ST8SIA1: variants seen among roughly 807,000 people sequenced by gnomAD.
ST8SIA1 encodes ST8 alpha-N-acetyl-neuraminide alpha-2,8-sialyltransferase 1, also known as alpha-N-acetylneuraminide alpha-2,8-sialyltransferase.
ST8SIA1 carries 16 observed loss-of-function variants against 35.9 expected under a neutral mutation model. That is an observed-to-expected ratio of 0.45 (90% CI 0.30 to 0.68). The LOEUF is 0.68. Among genes scored for constraint, ST8SIA1 ranks in the 30% least tolerant of loss-of-function variants. ST8SIA1 has a pLI of 0.09. For synonymous variants in ST8SIA1, 170 were observed against 169.6 expected (o/e 1.00, Z -0.02); for missense variants, 383 against 453.6 (o/e 0.84, Z 1.41).
At chr12:22,290,439 T>C (rs893377142) in intron 1 of ST8SIA1, among the ~76,000 whole-genome samples, 2 of 152,192 alleles carry the variant, frequency 1.3e-5, no homozygotes, top group Admixed American at 6.5e-5. Flanking sequence ...TAGTGATTTT[T>C]ACTGAGTTCT....
At position 22,226,962 on chromosome 12, in the gene ST8SIA1, T is replaced by C. The variant is rs180949206; in HGVS notation, c.584+22044A>G. On this transcript the variant is annotated intron_variant, in intron 4 of 4. Transcript: ENST00000396037. ...TTTGTTTGTTTGTTTGTTGTTGTTGTTTTGAGATGGAGTCTGGCTCTGTTG... is the reference window on the plus strand; with the variant it reads ...TTTGTTTGTTTGTTTGTTGTTGTTGCTTTGAGATGGAGTCTGGCTCTGTTG... Among the ~76,000 whole-genome samples the C allele has an allele frequency of 7.9e-5, 12 of 152,234 alleles. No homozygotes were observed. The East Asian group carries it at 1.7e-3, about 22-fold the overall frequency.
chr12:22,317,620 G>A (rs1591855608), intron 1 of ST8SIA1, among the ~76,000 whole-genome samples: 1 of 152,202 alleles, frequency 6.6e-6, no homozygotes, highest in Admixed American at 6.5e-5. Context: ...TAGCATGGCA[G>A]CTGGTTTCCC....
chr12:22,214,693 C>A (rs1056312902), intron 4 of ST8SIA1, among the ~76,000 whole-genome samples: 1 of 151,980 alleles, frequency 6.6e-6, no homozygotes, highest in Non-Finnish European at 1.5e-5. Context: ...TAGATAGGGC[C>A]TCTTGTTTAT....
chr12:22,227,382 T>C (rs1423536314), intron 4 of ST8SIA1, among the ~76,000 whole-genome samples: 4 of 151,820 alleles, frequency 2.6e-5, no homozygotes, highest in Non-Finnish European at 5.9e-5. Context: ...GAGACCAGCC[T>C]GGCCAACTCG....
intron 2 of ST8SIA1, among the ~76,000 whole-genome samples, chr12:22,263,254 A>C (rs1865812291): frequency 6.6e-6 from 1 of 152,196 alleles, no homozygotes; most frequent in African/African-American, 2.4e-5. Context: ...CCGTGTTTTA[A>C]GTTTAATATA....
intron 4 of ST8SIA1, among the ~76,000 whole-genome samples, chr12:22,224,645 G>A (rs1865336100): frequency 6.6e-6 from 1 of 152,100 alleles, no homozygotes; most frequent in Admixed American, 6.6e-5. Context: ...TTTTTGACAA[G>A]AACACATTTT....
intron 1 of ST8SIA1, among the ~76,000 whole-genome samples, chr12:22,322,348 A>C (rs1199579723): frequency 1.3e-5 from 2 of 152,360 alleles, no homozygotes; most frequent in South Asian, 2.1e-4. Context: ...TGTTCTCAGT[A>C]ATTAGCATTG....
At chr12:22,265,067 C>A (rs1865831347) in intron 2 of ST8SIA1, among the ~76,000 whole-genome samples, 1 of 152,170 alleles carries the variant, frequency 6.6e-6, no homozygotes, top group Admixed American at 6.5e-5. Context: ...TTCATGTGCC[C>A]ATGCAGCAGA....
intron 2 of ST8SIA1, among the ~76,000 whole-genome samples, chr12:22,263,200 T>TA (rs1865811014): frequency 6.6e-6 from 1 of 152,228 alleles, no homozygotes; most frequent in Admixed American, 6.5e-5. Flanking sequence ...AACGAACAGA[T>TA]ATTCGAAATG....
rs796530945 is a variant in ST8SIA1 at position 22,266,558 on chromosome 12, A to G, written c.382-11169T>C. On this transcript the variant is annotated intron_variant, in intron 2 of 4. Transcript: ENST00000396037. ...CTCACATCTATAATCCCAGAACTTC[A>G]GAAGGCTATGGCAGGAGGATTGCTT... 3.3e-5 allele frequency among the ~76,000 whole-genome samples: 5 copies of G among 152,062 alleles called. No individual in the cohort carries two copies. The East Asian group carries it at 5.8e-4, about 18-fold the overall frequency.
intron 4 of ST8SIA1, among the ~76,000 whole-genome samples, chr12:22,242,983 G>T (rs1865557255): frequency 6.6e-6 from 1 of 152,086 alleles, no homozygotes; most frequent in African/African-American, 2.4e-5. Context: ...CCTAACAAAG[G>T]CTGTAGCAAA....
At chr12:22,247,294 C>T (rs1389426204) in intron 4 of ST8SIA1, among the ~76,000 whole-genome samples, 2 of 152,150 alleles carry the variant, frequency 1.3e-5, no homozygotes, top group Non-Finnish European at 2.9e-5. Flanking sequence ...TCCAAAGGAA[C>T]ATGTGTTCCT....
At chr12:22,281,819 C>CAAA (rs11423875) in intron 2 of ST8SIA1, among the ~76,000 whole-genome samples, 1 of 102,956 alleles carries the variant, frequency 9.7e-6, no homozygotes, top group Non-Finnish European at 2.0e-5. Flanking sequence ...CTTGTCTCTA[C>CAAA]AAAAAAAAAA....
chr12:22,324,834 AT>A (rs2135844398), intron 1 of ST8SIA1: 1 of 152,244 alleles, frequency 6.6e-6, no homozygotes, highest in African/African-American at 2.4e-5. Flanking sequence ...TTTTTAAAGT[AT>A]TTTTATGGTA....
intron 4 of ST8SIA1, among the ~76,000 whole-genome samples, chr12:22,207,177 G>A (rs1480754528): frequency 2.0e-5 from 3 of 152,160 alleles, no homozygotes; most frequent in Non-Finnish European, 2.9e-5. Flanking sequence ...AGATGGATTC[G>A]CGACTGCTGC....
intron 1 of ST8SIA1, among the ~76,000 whole-genome samples, chr12:22,291,903 G>T (rs1866181077): frequency 1.3e-5 from 2 of 151,984 alleles, no homozygotes; most frequent in Non-Finnish European, 2.9e-5. Flanking sequence ...GAGCGTGTCT[G>T]GAATATAACC....
Position 22,334,322 on chromosome 12 carries a change from CA to C in ST8SIA1, c.-91del, listed in dbSNP as rs1866817490. 5 of 937,642 alleles carry C rather than the reference CA, an allele frequency of 5.3e-6. No homozygotes were observed. Among genetic ancestry groups the C allele is most frequent in the Non-Finnish European group, 8.1e-6 (5 of 619,890 alleles). 58.1% of individuals were successfully genotyped at this position (937,642 alleles called of 1,614,324 possible). A position where few individuals can be genotyped will look rare whatever the true frequency, so the allele number is the denominator to read the frequency against. ...GGAGGGTCCCCCACCGCCAGCCCCC[CA>C]TGCACACACACCTTTGGTTCTCTTA... On this transcript the variant is annotated 5_prime_UTR_variant, in exon 1 of 5. It removes an upstream start codon present in the reference 5' UTR. Transcript: ENST00000396037.
chr12:22,235,267 A>G (rs940919979), intron 4 of ST8SIA1, among the ~76,000 whole-genome samples: 2 of 152,210 alleles, frequency 1.3e-5, no homozygotes, highest in African/African-American at 2.4e-5. Flanking sequence ...AAACTTTTTT[A>G]AAATAAAAAT....
chr12:22,281,329 C>T (rs1866031680), intron 2 of ST8SIA1, among the ~76,000 whole-genome samples: 1 of 152,090 alleles, frequency 6.6e-6, no homozygotes, highest in South Asian at 2.1e-4. Flanking sequence ...GGTTCCATGA[C>T]TTGTCTGGGA....
Sources: allele counts gnomAD v4.1 joint callset (sites outside exome capture counted in the v4.1 genomes callset), GRCh38; gene constraint gnomAD v4.1.1; transcripts MANE v1.5; gene names NCBI Gene and HGNC (gene_info 2026-07-23, HGNC 2026-07-21).